ST7L: variants seen among roughly 807,000 people sequenced by gnomAD.
ST7L encodes the protein suppressor of tumorigenicity 7 protein-like.
In ST7L, 57 loss-of-function variants were observed where a neutral mutation model predicts 72.5. That is an observed-to-expected ratio of 0.79 (90% confidence interval 0.64 to 0.98). The LOEUF (loss-of-function observed/expected upper bound fraction) is 0.98, where lower values mean the gene tolerates loss of function less well. Ranked by LOEUF, ST7L falls within the 50% of genes least tolerant of loss-of-function variation. The probability of loss-of-function intolerance (pLI) is 0.00; values close to 1 mark genes in which losing one functional copy is unlikely to be tolerated. For synonymous variants in ST7L, 221 were observed against 240.9 expected, an observed-to-expected ratio of 0.92 and a Z score of 0.77; for missense variants, 576 against 672.2, an observed-to-expected ratio of 0.86 and a Z score of 1.58.
intron 6 of ST7L, among the ~76,000 whole-genome samples, chr1:112,588,548 T>C (rs1355097224): frequency 6.6e-6 from 1 of 152,194 alleles, no homozygotes; most frequent in African/African-American, 2.4e-5. Context: ...GTAGTTCTTG[T>C]CTTTTGGTCT....
At chr1:112,593,849 C>T (rs1279549084) in intron 5 of ST7L, among the ~76,000 whole-genome samples, 2 of 152,096 alleles carry the variant, frequency 1.3e-5, no homozygotes, top group African/African-American at 4.8e-5. Context: ...CACAAAAATA[C>T]ACATTTGTAT....
intron 11 of ST7L, among the ~76,000 whole-genome samples, chr1:112,565,700 CAAAG>C (rs1660902959): frequency 6.6e-6 from 1 of 152,110 alleles, no homozygotes; most frequent in Non-Finnish European, 1.5e-5. Flanking sequence ...ATAACATCCA[CAAAG>C]AAACAAACAC....
chr1:112,594,472 C>T (rs1045948281), intron 5 of ST7L, among the ~76,000 whole-genome samples: 1 of 152,156 alleles, frequency 6.6e-6, no homozygotes, highest in African/African-American at 2.4e-5. Flanking sequence ...CAATTTTTAA[C>T]AGTTCTATTA....
intron 3 of ST7L, chr1:112,607,664 G>A (rs1386756353): frequency 6.6e-6 from 1 of 151,676 alleles, no homozygotes; most frequent in Non-Finnish European, 1.5e-5. Context: ...ACAATTTGGG[G>A]TTGATTGGAG....
intron 14 of ST7L, among the ~76,000 whole-genome samples, chr1:112,532,860 T>G (rs550368212): frequency 1.3e-5 from 2 of 152,276 alleles, no homozygotes; most frequent in African/African-American, 2.4e-5. Flanking sequence ...TCATGAGCAT[T>G]AAGGAACACA....
At chr1:112,545,428 C>T (rs1381404170) in intron 13 of ST7L, among the ~76,000 whole-genome samples, 1 of 152,120 alleles carries the variant, frequency 6.6e-6, no homozygotes, top group Non-Finnish European at 1.5e-5. Context: ...AATGTATTAG[C>T]TTAATATAAT....
chr1:112,568,672 A>C (rs144079298), intron 11 of ST7L, among the ~76,000 whole-genome samples: 1,524 of 149,144 alleles, frequency 0.01, 11 homozygotes, highest in Middle Eastern at 0.024. Context: ...ATAAAAAGAT[A>C]AATAGAATAC....
chr1:112,614,018 C>T (rs1669477104), intron 2 of ST7L, among the ~76,000 whole-genome samples: 1 of 152,108 alleles, frequency 6.6e-6, no homozygotes, highest in Non-Finnish European at 1.5e-5. Flanking sequence ...ACACGAGACA[C>T]CACACCTGGC....
At chr1:112,536,863 AAACAAACTTC>A (rs1373859298) in intron 14 of ST7L, among the ~76,000 whole-genome samples, 1 of 152,170 alleles carries the variant, frequency 6.6e-6, no homozygotes, top group East Asian at 1.9e-4. Flanking sequence ...GCGTTCAGTA[AAACAAACTTC>A]AACAAAGTTT....
intron 9 of ST7L, among the ~76,000 whole-genome samples, chr1:112,579,929 T>C (rs7553965): frequency 0.024 from 3,719 of 152,320 alleles, 161 homozygotes; most frequent in African/African-American, 0.084. Context: ...ATAAGTATTA[T>C]AAGCAGGCCA....
chr1:112,562,802 T>G (rs1036923389), intron 11 of ST7L, among the ~76,000 whole-genome samples: 2 of 152,188 alleles, frequency 1.3e-5, no homozygotes, highest in Non-Finnish European at 2.9e-5. Flanking sequence ...TTTTAAGACT[T>G]GCTATTTAGG....
intron 3 of ST7L, among the ~76,000 whole-genome samples, chr1:112,609,960 T>C (rs1419077796): frequency 6.6e-6 from 1 of 152,170 alleles, no homozygotes; most frequent in Non-Finnish European, 1.5e-5. Context: ...AAATTTTTTT[T>C]CCTACTTTTC....
intron 13 of ST7L, among the ~76,000 whole-genome samples, chr1:112,548,516 T>A (rs1455509600): frequency 6.6e-6 from 1 of 152,200 alleles, no homozygotes; most frequent in South Asian, 2.1e-4. Context: ...AACACCAGCA[T>A]ACTCAATTTG....
intron 4 of ST7L, among the ~76,000 whole-genome samples, 181 bp from the exon 5 acceptor site, chr1:112,598,267 A>C (rs1240821833): frequency 1.3e-5 from 2 of 152,198 alleles, no homozygotes; most frequent in African/African-American, 2.4e-5. Flanking sequence ...AACATCAAAG[A>C]CCAAATAGAA....
intron 6 of ST7L, among the ~76,000 whole-genome samples, chr1:112,590,531 T>C (rs1268312126): frequency 6.6e-6 from 1 of 152,202 alleles, no homozygotes; most frequent in Non-Finnish European, 1.5e-5. Flanking sequence ...GGATAGCGTA[T>C]ATACTTGGGG....
rs55664948 is a variant in ST7L, at chr1:112,525,445, G to A, written c.*568C>T. ...CTGTCCCTGACCTCAAAGGTAAAGG[G>A]ATAGAAAAGAGAGGGCGTTGACAAA... On this transcript the variant is annotated 3_prime_UTR_variant, in exon 15 of 15. Coordinates refer to ENST00000358039, the MANE Select transcript of ST7L (RefSeq NM_017744.5). 5,122 of 152,820 alleles carry A rather than the reference G, an allele frequency of 0.034. 161 individuals are homozygous for A. The highest frequency in any genetic ancestry group is 0.079 in the African/African-American group (3,282 of 41,450). 9.5% of individuals were successfully genotyped at this position (152,820 alleles called of 1,614,324 possible).
At chr1:112,604,561 G>GA (rs1384604973) in intron 3 of ST7L, among the ~76,000 whole-genome samples, 1 of 151,614 alleles carries the variant, frequency 6.6e-6, no homozygotes, top group African/African-American at 2.4e-5. Flanking sequence ...ATTCTCAAAT[G>GA]AAAAAAATCA....
At chr1:112,577,530 C>CAAAA (rs527682647) in intron 10 of ST7L, among the ~76,000 whole-genome samples, 6 of 24,106 alleles carry the variant, frequency 2.5e-4, no homozygotes, top group African/African-American at 6.2e-4. Context: ...AACTCTGTCT[C>CAAAA]AAAAAAAAAA....
At chr1:112,609,552 G>A (rs1353263789) in intron 3 of ST7L, among the ~76,000 whole-genome samples, 1 of 149,402 alleles carries the variant, frequency 6.7e-6, no homozygotes, top group East Asian at 2.0e-4. Context: ...TGCTGGGTAT[G>A]GTGGCTCACG....
Sources: gnomAD v4.1 joint callset for allele counts (sites outside exome capture counted in the v4.1 genomes callset) on GRCh38, gnomAD v4.1.1 for gene constraint, MANE v1.5 for transcripts, NCBI Gene and HGNC (gene_info 2026-07-23, HGNC 2026-07-21) for gene names.